The following RBFOX1 variants were observed in gnomAD, a reference collection of about 807,000 sequenced individuals.
RBFOX1 encodes RNA binding fox-1 homolog 1, also known as RNA binding protein fox-1 homolog 1.
RBFOX1 carries 8 observed loss-of-function variants against 57.7 expected under a neutral mutation model. The observed-to-expected ratio is 0.14, with a 90% confidence interval of 0.08 to 0.25. The LOEUF (loss-of-function observed/expected upper bound fraction) is 0.25. RBFOX1 is among the 10% of genes least tolerant of loss of function. The pLI is 1.00. For synonymous variants in RBFOX1, 326 were observed against 222.4 expected (o/e 1.47, Z -4.15); for missense variants, 611 against 548.5 (o/e 1.11, Z -1.14).
rs2098634349 is a variant in RBFOX1 at position 6,654,761 on chromosome 16, G to A, written c.-16+111G>A. ...CGATGATGGTTTTTAGGTGATTCAC[G>A]GTCTATGACATATTTAAAGACAATC... is the stretch of plus-strand genomic sequence containing the variant. On this transcript the variant is annotated intron_variant, in intron 3 of 15. Transcript: ENST00000550418. 8 of 698,106 alleles carry A rather than the reference G, an allele frequency of 1.1e-5. 1 individual carries two copies. Among genetic ancestry groups the A allele is most frequent in the South Asian group, 1.0e-4 (4 of 39,154 alleles). The allele number at this position is 698,106 out of a possible 1,614,324, so 43.2% of individuals were successfully genotyped here.
At chr16:6,048,501 G>A (rs776331911) in intron 1 of RBFOX1, among the ~76,000 whole-genome samples, 4 of 152,042 alleles carry the variant, frequency 2.6e-5, no homozygotes, top group African/African-American at 9.7e-5. Flanking sequence ...ATTAAAGTAC[G>A]TGCCTTTTCA....
At chr16:6,753,567 T>G (rs956313272) in intron 3 of RBFOX1, among the ~76,000 whole-genome samples, 1 of 152,182 alleles carries the variant, frequency 6.6e-6, no homozygotes, top group Non-Finnish European at 1.5e-5. Context: ...TCTGTCTTAA[T>G]AGAGACTGTG....
chr16:5,922,848 C>T (rs1357536763), intron 4 of RBFOX1, among the ~76,000 whole-genome samples: 1 of 152,232 alleles, frequency 6.6e-6, no homozygotes, highest in African/African-American at 2.4e-5. Context: ...GTAAAATATT[C>T]AAGCCTTTGA....
intron 1 of RBFOX1, among the ~76,000 whole-genome samples, chr16:5,426,961 G>A (rs993926516): frequency 2.0e-5 from 3 of 152,168 alleles, no homozygotes; most frequent in African/African-American, 7.2e-5. Context: ...AGTGGTAAAG[G>A]CAGGGTTCAA....
chr16:5,982,723 A>G (rs2060198894), intron 4 of RBFOX1, among the ~76,000 whole-genome samples: 1 of 152,240 alleles, frequency 6.6e-6, no homozygotes. Flanking sequence ...CCCCCTTGTC[A>G]TCTCTCTTTC....
intron 3 of RBFOX1, among the ~76,000 whole-genome samples, chr16:5,684,778 C>G (rs1003645147): frequency 1.3e-5 from 2 of 152,188 alleles, no homozygotes; most frequent in Non-Finnish European, 2.9e-5. Flanking sequence ...GCTGGTATAT[C>G]TGGAGCCCTG....
intron 1 of RBFOX1, among the ~76,000 whole-genome samples, chr16:5,255,289 T>C (rs2062556035): frequency 6.8e-6 from 1 of 147,224 alleles, no homozygotes; most frequent in Non-Finnish European, 1.5e-5. Context: ...CAAGTCCACC[T>C]GCTCATCTGT....
intron 4 of RBFOX1, among the ~76,000 whole-genome samples, chr16:7,354,852 T>C (rs2097187421): frequency 6.6e-6 from 1 of 152,212 alleles, no homozygotes; most frequent in Non-Finnish European, 1.5e-5. Flanking sequence ...AGGACATTCA[T>C]TTTATTGCTA....
intron 2 of RBFOX1, among the ~76,000 whole-genome samples, chr16:5,568,201 A>ACACTG (rs2046141004): frequency 6.6e-6 from 1 of 152,090 alleles, no homozygotes; most frequent in Non-Finnish European, 1.5e-5. Context: ...AATCCCCACC[A>ACACTG]CACTGCACTT....
intron 4 of RBFOX1, among the ~76,000 whole-genome samples, chr16:7,243,517 C>T (rs533246569): frequency 2.0e-5 from 3 of 152,216 alleles, no homozygotes; most frequent in East Asian, 1.9e-4. Context: ...AAGGGCTCCC[C>T]AGGAAGTTGA....
intron 1 of RBFOX1, among the ~76,000 whole-genome samples, chr16:6,143,218 G>C (rs2096732385): frequency 6.6e-6 from 1 of 152,210 alleles, no homozygotes; most frequent in South Asian, 2.1e-4. Context: ...CTGTCATTGA[G>C]TGCCTTGAAA....
At chr16:7,587,090 T>G (rs2094168166) in intron 6 of RBFOX1, among the ~76,000 whole-genome samples, 157 bp from the exon 7 acceptor site, 1 of 152,238 alleles carries the variant, frequency 6.6e-6, no homozygotes, top group Admixed American at 6.5e-5. Context: ...GGTGGTTTTA[T>G]TTTCTCTTGT....
chr16:6,207,808 C>G (rs979075081), intron 1 of RBFOX1, among the ~76,000 whole-genome samples: 2 of 152,012 alleles, frequency 1.3e-5, no homozygotes, highest in Admixed American at 6.6e-5. Flanking sequence ...CTACCTCAGC[C>G]TGTTGCGTAG....
At chr16:5,808,775 C>G (rs967391024) in intron 3 of RBFOX1, among the ~76,000 whole-genome samples, 1 of 152,108 alleles carries the variant, frequency 6.6e-6, no homozygotes, top group Non-Finnish European at 1.5e-5. Context: ...ATTTTGTATC[C>G]TGAGACTTTG....
In RBFOX1 at chr16:6,744,953, G is replaced by C. The variant is rs574934600; in HGVS notation, c.-16+90303G>C. ...TACACTTTTAGCCAGGCTTAGTAAA[G>C]TTAAGGAGAAGATACAAATTACCAA... On this transcript the variant is annotated intron_variant, in intron 3 of 15. Transcript: ENST00000550418. Among the ~76,000 whole-genome samples the C allele has an allele frequency of 6.6e-5, 10 of 152,082 alleles. No individual in the cohort carries two copies. The South Asian group carries it at 2.1e-3, about 32-fold the overall frequency.
At chr16:5,649,572 A>G (rs915983590) in intron 3 of RBFOX1, among the ~76,000 whole-genome samples, 1 of 152,216 alleles carries the variant, frequency 6.6e-6, no homozygotes, top group African/African-American at 2.4e-5. Flanking sequence ...ATCATAGCTA[A>G]GCTCATCCCA....
rs572075930 is a variant in RBFOX1, at chr16:7,041,856, C to T, written c.-15-10201C>T. ...ATTTTTAAATGTGTTAAGTGCTTTGCTTAGTAATTCTTATAGATTATGCTC... is the reference window on the plus strand; with the variant it reads ...ATTTTTAAATGTGTTAAGTGCTTTGTTTAGTAATTCTTATAGATTATGCTC... On this transcript the variant is annotated intron_variant, in intron 3 of 15. Transcript: ENST00000550418. Among the ~76,000 whole-genome samples, 3 of 152,228 alleles carry T rather than the reference C, an allele frequency of 2.0e-5. No individual in the cohort carries two copies. In the East Asian group the frequency reaches 5.8e-4, roughly 29 times the overall value.
intron 12 of RBFOX1, among the ~76,000 whole-genome samples, chr16:7,662,674 T>C (rs568941782): frequency 2.0e-5 from 3 of 152,204 alleles, no homozygotes; most frequent in African/African-American, 7.2e-5. Context: ...GTCTGAAAAA[T>C]GATGCTGGTG....
At chr16:5,517,930 CTGTG>C (rs71404527) in intron 2 of RBFOX1, among the ~76,000 whole-genome samples, 34 of 144,156 alleles carry the variant, frequency 2.4e-4, no homozygotes, top group African/African-American at 4.9e-4. Context: ...GCAAAAGCTA[CTGTG>C]TGTGTGTGTG....
Sources: gnomAD v4.1 joint callset for allele counts (sites outside exome capture counted in the v4.1 genomes callset) on GRCh38, gnomAD v4.1.1 for gene constraint, MANE v1.5 for transcripts, NCBI Gene and HGNC (gene_info 2026-07-23, HGNC 2026-07-21) for gene names.